ESRRG: variants seen among roughly 807,000 people sequenced by gnomAD.
ESRRG encodes the protein estrogen related receptor gamma.
Under a neutral mutation model 44.0 loss-of-function variants are expected in ESRRG, and 13 were observed. The ratio of observed to expected loss-of-function variants is 0.30; its 90% confidence interval spans 0.19 to 0.47. The LOEUF (loss-of-function observed/expected upper bound fraction) is 0.47. Ranked by LOEUF, ESRRG falls within the 20% of genes least tolerant of loss-of-function variation. The probability of loss-of-function intolerance (pLI) is 1.00; values close to 1 mark genes in which losing one functional copy is unlikely to be tolerated. For synonymous variants in ESRRG, 215 were observed against 214.6 expected, an observed-to-expected ratio of 1.00 and a Z score of -0.02; for missense variants, 395 against 580.6, an observed-to-expected ratio of 0.68 and a Z score of 3.29.
intron 2 of ESRRG, among the ~76,000 whole-genome samples, chr1:216,782,738 T>A (rs191244120): frequency 2.6e-3 from 397 of 152,142 alleles, no homozygotes; most frequent in Non-Finnish European, 4.6e-3. Flanking sequence ...CCACTGTGAG[T>A]TTGAGACCTC....
intron 1 of ESRRG, among the ~76,000 whole-genome samples, chr1:216,690,310 CAAAGAT>C (rs1220456825): frequency 4.0e-5 from 6 of 151,798 alleles, no homozygotes; most frequent in African/African-American, 1.4e-4. Flanking sequence ...GAGTCCTAGT[CAAAGAT>C]AAAAAGAAAT....
At chr1:216,799,070 C>A (rs2094547319) in intron 2 of ESRRG, among the ~76,000 whole-genome samples, 1 of 152,056 alleles carries the variant, frequency 6.6e-6, no homozygotes, top group African/African-American at 2.4e-5. Flanking sequence ...AACCATTATT[C>A]TTTGCTAGAC....
intron 1 of ESRRG, among the ~76,000 whole-genome samples, chr1:216,983,851 T>C (rs888299192): frequency 3.9e-5 from 6 of 151,966 alleles, no homozygotes; most frequent in Non-Finnish European, 7.4e-5. Context: ...TGCCTGCTAA[T>C]TGGGTTTCTT....
At chr1:216,531,315 G>A (rs1191483331) in intron 5 of ESRRG, among the ~76,000 whole-genome samples, 4 of 152,070 alleles carry the variant, frequency 2.6e-5, no homozygotes, top group Admixed American at 1.3e-4. Context: ...CTGAGAGTTC[G>A]GTTTAAAGTC....
intron 1 of ESRRG, among the ~76,000 whole-genome samples, chr1:216,701,891 T>C (rs2081446326): frequency 6.6e-6 from 1 of 152,232 alleles, no homozygotes; most frequent in Non-Finnish European, 1.5e-5. Context: ...AGCCAGACTA[T>C]CATAAATATG....
In ESRRG at chr1:216,506,836, AT is replaced by A. The variant is rs755632986; in HGVS notation, c.*102del. On this transcript the variant is annotated 3_prime_UTR_variant, in exon 7 of 7. Coordinates refer to ENST00000408911, the MANE Select transcript of ESRRG (RefSeq NM_001438.4). ...GCTAAATTATCAGTGCAGTCTGTTGATTTTTGATGTTGTTAACTAAACTCTA... is the reference window on the plus strand; with the variant it reads ...GCTAAATTATCAGTGCAGTCTGTTGATTTTGATGTTGTTAACTAAACTCTA... The A allele has an allele frequency of 7.5e-5, 100 of 1,333,014 alleles. No homozygotes were observed. Among genetic ancestry groups the A allele is most frequent in the Admixed American group, 2.4e-4 (11 of 45,036 alleles). 82.6% of individuals were successfully genotyped at this position (1,333,014 alleles called of 1,614,324 possible).
chr1:216,905,591 A>AT (rs1323100986), intron 2 of ESRRG, among the ~76,000 whole-genome samples: 5 of 152,222 alleles, frequency 3.3e-5, no homozygotes, highest in African/African-American at 1.2e-4. Context: ...TCCACTAGAC[A>AT]TTGAGGTCTG....
chr1:216,860,681 G>A lies in ESRRG; in HGVS notation c.-14+78901C>T, dbSNP rs115139677. Among the ~76,000 whole-genome samples, 1,482 of 152,146 alleles carry A rather than the reference G, an allele frequency of 9.7e-3. 18 individuals carry two copies. The highest frequency in any genetic ancestry group is 0.033 in the African/African-American group (1,377 of 41,516). On this transcript the variant is annotated intron_variant, in intron 2 of 7. Coordinates refer to the ESRRG transcript ENST00000359162. ...ACAAAACAACAAAATATATTTGTAC[G>A]TATATACAAGGCTGAAATGATTCAT...
At chr1:217,109,024 G>C (rs76723222) in intron 1 of ESRRG, among the ~76,000 whole-genome samples, 3 of 151,946 alleles carry the variant, frequency 2.0e-5, no homozygotes, top group African/African-American at 2.4e-5. Context: ...AGATCGCATG[G>C]GCACATGTGT....
At chr1:216,800,003 G>C (rs991117658) in intron 2 of ESRRG, among the ~76,000 whole-genome samples, 1 of 152,034 alleles carries the variant, frequency 6.6e-6, no homozygotes, top group Non-Finnish European at 1.5e-5. Context: ...GCTGTGAGGG[G>C]GAGAGGAATC....
At chr1:216,728,795 TAAA>T (rs879747992) in intron 2 of ESRRG, among the ~76,000 whole-genome samples, 1 of 141,590 alleles carries the variant, frequency 7.1e-6, no homozygotes, top group East Asian at 2.0e-4. Context: ...AAAGGACTAG[TAAA>T]AAAAAAAAAA....
intron 5 of ESRRG, among the ~76,000 whole-genome samples, chr1:216,536,688 T>C (rs745883737): frequency 5.3e-5 from 8 of 152,234 alleles, no homozygotes; most frequent in Middle Eastern, 3.4e-3. Context: ...AGAATGATGA[T>C]GATGACAATT....
At chr1:216,870,204 A>AT in intron 2 of ESRRG, among the ~76,000 whole-genome samples, 1 of 150,958 alleles carries the variant, frequency 6.6e-6, no homozygotes, top group Non-Finnish European at 1.5e-5. Flanking sequence ...AGATGTTAAA[A>AT]TTTGGCAAAC....
intron 1 of ESRRG, among the ~76,000 whole-genome samples, chr1:217,022,247 C>T (rs1249944530): frequency 6.6e-6 from 1 of 152,184 alleles, no homozygotes; most frequent in Non-Finnish European, 1.5e-5. Context: ...TGCAAAGCAT[C>T]CCAGCTGTCC....
At position 216,865,187 on chromosome 1, in the gene ESRRG, C is replaced by CAAAAAAAAAAAAAAAAAAAAAAA. The variant is rs548064265; in HGVS notation, c.-14+74372_-14+74394dup. 3.2e-4 allele frequency: 16 copies of CAAAAAAAAAAAAAAAAAAAAAAA among 49,242 alleles called. 2 individuals carry two copies. The highest frequency in any genetic ancestry group is 7.0e-4 in the African/African-American group (6 of 8,594). 3.1% of individuals were successfully genotyped at this position (49,242 alleles called of 1,614,324 possible). ...ACTTCAACTTTTTAAAGCTGTGCAG[C>CAAAAAAAAAAAAAAAAAAAAAAA]AAAAAAAAAAAAAAAAAAAAAAAAA... is the stretch of plus-strand genomic sequence containing the variant. On this transcript the variant is annotated intron_variant, in intron 2 of 7. Transcript: ENST00000359162.
At chr1:216,922,271 GA>G (rs1430212172) in intron 2 of ESRRG, among the ~76,000 whole-genome samples, 1 of 152,142 alleles carries the variant, frequency 6.6e-6, no homozygotes, top group African/African-American at 2.4e-5. Context: ...AAAATAATAG[GA>G]AAAACTGTAG....
At chr1:216,977,735 C>T (rs1175996806) in intron 1 of ESRRG, among the ~76,000 whole-genome samples, 1 of 152,090 alleles carries the variant, frequency 6.6e-6, no homozygotes, top group Non-Finnish European at 1.5e-5. Flanking sequence ...GTTTGAATGT[C>T]CCCACCAAAA....
chr1:216,547,253 T>TGATGA (rs1553325998), intron 5 of ESRRG, among the ~76,000 whole-genome samples: 2 of 150,750 alleles, frequency 1.3e-5, no homozygotes, highest in African/African-American at 2.4e-5. Context: ...GTTGATGTTG[T>TGATGA]TGATGATGAT....
At chr1:216,636,483 A>G (rs1202957807) in intron 3 of ESRRG, among the ~76,000 whole-genome samples, 1 of 152,238 alleles carries the variant, frequency 6.6e-6, no homozygotes, top group African/African-American at 2.4e-5. Flanking sequence ...GAAAAGAGAC[A>G]GTAGTAAAGG....
Sources: gnomAD v4.1 joint callset for allele counts (sites outside exome capture counted in the v4.1 genomes callset) on GRCh38, gnomAD v4.1.1 for gene constraint, MANE v1.5 for transcripts, NCBI Gene and HGNC (gene_info 2026-07-23, HGNC 2026-07-21) for gene names.